SLC2A14: variants seen among roughly 807,000 people sequenced by gnomAD.
SLC2A14 encodes solute carrier family 2 member 14.
Under a neutral mutation model 43.0 loss-of-function variants are expected in SLC2A14, and 13 were observed. That is an observed-to-expected ratio of 0.30 (90% CI 0.20 to 0.48). SLC2A14 has a LOEUF of 0.48. Among genes scored for constraint, SLC2A14 ranks in the 20% least tolerant of loss-of-function variants. SLC2A14 has a pLI of 0.99. For synonymous variants in SLC2A14, 190 were observed against 233.8 expected (o/e 0.81, Z 1.71); for missense variants, 428 against 620.4 (o/e 0.69, Z 3.29).
Position 7,814,277 on chromosome 12 carries a change from G to C in SLC2A14, c.*39C>G. 6.7e-7 allele frequency: 1 copy of C among 1,500,864 alleles called. No homozygotes were observed. Among genetic ancestry groups the C allele is most frequent in the Admixed American group, 1.9e-5 (1 of 52,120 alleles). The allele number at this position is 1,500,864 out of a possible 1,614,324, so 93.0% of individuals were successfully genotyped here. A position where few individuals can be genotyped will look rare whatever the true frequency, so the allele number is the denominator to read the frequency against. Reference sequence around the variant, plus strand: ...TCTCTCCCTTGTTGAGGGAGAGGTGGCTTTCCCATGCCGGGAGGGAGGTGG... The same window carrying C: ...TCTCTCCCTTGTTGAGGGAGAGGTGCCTTTCCCATGCCGGGAGGGAGGTGG... On this transcript the variant is annotated 3_prime_UTR_variant, in exon 11 of 11. Transcript: ENST00000431042.
At chr12:7,828,904 C>T (rs776823316) in intron 5 of SLC2A14, 38 bp from the exon 6 acceptor site, 3 of 1,598,000 alleles carry the variant, frequency 1.9e-6, no homozygotes, top group South Asian at 2.2e-5. Flanking sequence ...AAACCCCATA[C>T]TTCACAGGCC....
At chr12:7,855,117 A>G (rs1288569946) in intron 2 of SLC2A14, among the ~76,000 whole-genome samples, 1 of 151,766 alleles carries the variant, frequency 6.6e-6, no homozygotes, top group Non-Finnish European at 1.5e-5. Context: ...CAGGTATCGC[A>G]CTTTATATAT....
rs776571550 is a variant in SLC2A14 at position 7,884,251 on chromosome 12, T to C, written c.132+6745A>G. On this transcript the variant is annotated intron_variant, in intron 1 of 9. Coordinates refer to the SLC2A14 transcript ENST00000539924. ...TCCTTTTCAACATCACACTATGTGC[T>C]ATAAGTTTGAACTCTTTCTTTCACA... 1.3e-4 allele frequency among the ~76,000 whole-genome samples: 20 copies of C among 152,276 alleles called. No homozygotes were observed. In the South Asian group the frequency reaches 3.9e-3, roughly 30 times the overall value.
chr12:7,817,272 T>C (rs1189116023), intron 10 of SLC2A14, among the ~76,000 whole-genome samples: 1 of 151,924 alleles, frequency 6.6e-6, no homozygotes, highest in Non-Finnish European at 1.5e-5. Context: ...TGCGCCACCA[T>C]GCCCGGCTAA....
At chr12:7,839,924 C>CAAAA (rs57569188) in intron 2 of SLC2A14, 27 of 168,114 alleles carry the variant, frequency 1.6e-4, no homozygotes, top group Non-Finnish European at 2.3e-4. Flanking sequence ...CCTGTCTCTA[C>CAAAA]AAAAAAAAAA....
At chr12:7,838,983 C>A (rs1865693089) in intron 2 of SLC2A14, among the ~76,000 whole-genome samples, 1 of 150,532 alleles carries the variant, frequency 6.6e-6, no homozygotes, top group African/African-American at 2.4e-5. Context: ...GAGAAGACAG[C>A]CATCTGCTAC....
chr12:7,866,095 T>C (rs999132276), intron 2 of SLC2A14, among the ~76,000 whole-genome samples: 1 of 151,712 alleles, frequency 6.6e-6, no homozygotes, highest in Admixed American at 6.6e-5. Context: ...CGTGCGCTTG[T>C]ACCCAGCTAA....
chr12:7,826,860 T>TTCTTTC (rs1555121669), intron 7 of SLC2A14, among the ~76,000 whole-genome samples: 4 of 71,466 alleles, frequency 5.6e-5, no homozygotes, highest in South Asian at 6.2e-4. Flanking sequence ...CTTCCTTTCT[T>TTCTTTC]TTTTCTTTCT....
At chr12:7,863,297 A>G in intron 2 of SLC2A14, 1 of 434,322 alleles carries the variant, frequency 2.3e-6, no homozygotes, top group South Asian at 1.6e-5. Flanking sequence ...CAGAAGGAAA[A>G]CACTCCGAAC....
chr12:7,874,812 G>GTATTTATATATAATTTATATATAAATACA (rs1565584702), upstream of SLC2A14, among the ~76,000 whole-genome samples: 3 of 19,224 alleles, frequency 1.6e-4, no homozygotes, highest in African/African-American at 3.9e-4. Context: ...ATATAAATAC[G>GTATTTATATATAATTTATATATAAATACA]TATTTATATA....
upstream of SLC2A14, among the ~76,000 whole-genome samples, chr12:7,874,621 G>A (rs1229082485): frequency 6.7e-6 from 1 of 149,414 alleles, no homozygotes; most frequent in Non-Finnish European, 1.5e-5. Flanking sequence ...GCAGTGAGCC[G>A]AGATCACGCC....
intron 9 of SLC2A14, 75 bp from the exon 10 acceptor site, chr12:7,818,109 A>G: frequency 7.1e-7 from 1 of 1,404,742 alleles, no homozygotes; most frequent in South Asian, 1.4e-5. Flanking sequence ...AGAGGCAACT[A>G]ATGGCAAGCT....
At position 7,871,765 on chromosome 12, in the gene SLC2A14, ATTT is replaced by A. The variant is rs1565580617; in HGVS notation, c.-58+1039_-58+1041del. 44 of 300,338 alleles carry A rather than the reference ATTT, an allele frequency of 1.5e-4. No homozygotes were observed. The East Asian group carries it at 5.5e-3, about 38-fold the overall frequency. 18.6% of individuals were successfully genotyped at this position (300,338 alleles called of 1,614,324 possible). A position where few individuals can be genotyped will look rare whatever the true frequency, so the allele number is the denominator to read the frequency against. On this transcript the variant is annotated intron_variant, in intron 1 of 10. Transcript: ENST00000431042. Reference sequence around the variant, plus strand: ...ACCCTTAGTCCTGAGATCCAATACCATTTCACATGCATCCCCACCCAAACACAA... The same window carrying A: ...ACCCTTAGTCCTGAGATCCAATACCACACATGCATCCCCACCCAAACACAA...
At chr12:7,827,977 A>C (rs1864641511) in intron 6 of SLC2A14, among the ~76,000 whole-genome samples, 1 of 152,120 alleles carries the variant, frequency 6.6e-6, no homozygotes, top group South Asian at 2.1e-4. Flanking sequence ...ATCTCTAATA[A>C]AAATACAAAT....
At chr12:7,884,101 T>C (rs1169479509) in intron 1 of SLC2A14, among the ~76,000 whole-genome samples, 1 of 38,582 alleles carries the variant, frequency 2.6e-5, no homozygotes, top group Admixed American at 2.8e-4. Flanking sequence ...TTTTTTGTAT[T>C]TTTAGTAGAA....
intron 2 of SLC2A14, among the ~76,000 whole-genome samples, chr12:7,849,904 CAAAA>C (rs760893036): frequency 4.6e-5 from 3 of 65,398 alleles, no homozygotes; most frequent in Non-Finnish European, 3.0e-5. Context: ...GACTCCATCT[CAAAA>C]AAAAAAAAAA....
At chr12:7,821,778 G>A (rs978538494) in intron 7 of SLC2A14, among the ~76,000 whole-genome samples, 1 of 150,592 alleles carries the variant, frequency 6.6e-6, no homozygotes, top group Admixed American at 6.6e-5. Flanking sequence ...GCAGTGGCAC[G>A]ATTACAGGCT....
intron 1 of SLC2A14, chr12:7,872,092 A>G (rs1304975540): frequency 5.5e-6 from 1 of 182,640 alleles, no homozygotes; most frequent in Admixed American, 6.5e-5. Flanking sequence ...CTGGGACAAA[A>G]CTAATAACAG....
chr12:7,835,329 G>C (rs1032361357), intron 2 of SLC2A14, among the ~76,000 whole-genome samples: 2 of 152,156 alleles, frequency 1.3e-5, no homozygotes, highest in African/African-American at 4.8e-5. Context: ...AGAGGTTGCA[G>C]TCAGCCGAGA....
Sources: allele counts gnomAD v4.1 joint callset (sites outside exome capture counted in the v4.1 genomes callset), GRCh38; gene constraint gnomAD v4.1.1; transcripts MANE v1.5; gene names NCBI Gene and HGNC (gene_info 2026-07-23, HGNC 2026-07-21).